The following UBAC2 variants were observed in gnomAD, a reference collection of about 807,000 sequenced individuals.
UBAC2 encodes UBA domain containing 2.
UBAC2 carries 26 observed loss-of-function variants against 44.0 expected under a neutral mutation model. The ratio of observed to expected loss-of-function variants is 0.59; its 90% CI spans 0.43 to 0.82. UBAC2 has a LOEUF of 0.82. Ranked by LOEUF, UBAC2 falls within the 40% of genes least tolerant of loss-of-function variation. The pLI, the probability that UBAC2 is intolerant of heterozygous loss-of-function variation, is 0.00. For missense variants in UBAC2, 329 were observed against 419.4 expected, an observed-to-expected ratio of 0.78 and a Z score of 1.88; for synonymous variants, 155 against 154.3, an observed-to-expected ratio of 1.00 and a Z score of -0.04.
chr13:99,306,623 A>G (rs2044340621), intron 4 of UBAC2, among the ~76,000 whole-genome samples: 1 of 152,134 alleles, frequency 6.6e-6, no homozygotes, highest in Non-Finnish European at 1.5e-5. Flanking sequence ...CACCATTCCC[A>G]ACCTGGACAT....
In UBAC2 at chr13:99,228,910, T is replaced by TA. The variant is rs2043142748; in HGVS notation, c.32-9516dup. ...AATAGTTGGGCTATTTTTATATGCT[T>TA]AGACAAGTACAATAACCACAGTGTC... On this transcript the variant is annotated intron_variant, in intron 1 of 8. Coordinates refer to ENST00000403766, the MANE Select transcript of UBAC2 (RefSeq NM_001144072.2). Among the ~76,000 whole-genome samples, 2 of 152,214 alleles carry TA rather than the reference T, an allele frequency of 1.3e-5. 1 individual carries two copies. The highest frequency in any genetic ancestry group is 2.9e-5 in the Non-Finnish European group (2 of 68,036).
intron 7 of UBAC2, among the ~76,000 whole-genome samples, chr13:99,362,606 T>C (rs1197090483): frequency 1.3e-5 from 2 of 152,260 alleles, no homozygotes; most frequent in Admixed American, 6.5e-5. Flanking sequence ...ACTAGTGAGA[T>C]TGAATATCTT....
chr13:99,318,101 T>C (rs771322863), intron 6 of UBAC2, 32 bp downstream of exon 6: 1 of 1,580,260 alleles, frequency 6.3e-7, no homozygotes, highest in Non-Finnish European at 8.7e-7. Flanking sequence ...CACCCAATTC[T>C]CTCTCTCTCC....
chr13:99,361,598 C>T (rs561071569), intron 7 of UBAC2, among the ~76,000 whole-genome samples: 3 of 152,116 alleles, frequency 2.0e-5, no homozygotes, highest in African/African-American at 7.2e-5. Context: ...ATCAGGGTTT[C>T]TCAACCTAAA....
At chr13:99,234,099 G>A (rs770049613) in intron 1 of UBAC2, among the ~76,000 whole-genome samples, 16 of 151,496 alleles carry the variant, frequency 1.1e-4, no homozygotes, top group South Asian at 4.2e-4. Flanking sequence ...TTATTTCAGC[G>A]GTTTTCCTAG....
chr13:99,299,720 T>G (rs558246742), intron 4 of UBAC2, among the ~76,000 whole-genome samples: 1 of 152,204 alleles, frequency 6.6e-6, no homozygotes, highest in Non-Finnish European at 1.5e-5. Flanking sequence ...TTTTCAGATT[T>G]CTGCATTGAC....
intron 7 of UBAC2, among the ~76,000 whole-genome samples, chr13:99,362,945 T>C (rs1399541591): frequency 2.6e-5 from 4 of 152,240 alleles, no homozygotes; most frequent in Non-Finnish European, 1.5e-5. Context: ...CGTATTTCTG[T>C]TTTAGATATC....
At position 99,248,874 on chromosome 13, in the gene UBAC2, CA is replaced by C. The variant is rs1238197253; in HGVS notation, c.389+4251del. 6.6e-5 allele frequency among the ~76,000 whole-genome samples: 10 copies of C among 152,306 alleles called. No homozygotes were observed. The South Asian group carries it at 1.2e-3, about 19-fold the overall frequency. On this transcript the variant is annotated intron_variant, in intron 4 of 8. Coordinates refer to ENST00000403766, the MANE Select transcript of UBAC2 (RefSeq NM_001144072.2). ...TATAGACTCAAAGAAAACTCATGTTCAGAAGCTCTCTTCTCTTCTGGCCTCC... is the reference window on the plus strand; with the variant it reads ...TATAGACTCAAAGAAAACTCATGTTCGAAGCTCTCTTCTCTTCTGGCCTCC...
At chr13:99,347,773 ACCT>A (rs2045014270) in intron 7 of UBAC2, among the ~76,000 whole-genome samples, 3 of 149,182 alleles carry the variant, frequency 2.0e-5, no homozygotes, top group Admixed American at 6.8e-5. Context: ...GTGTGCTTTG[ACCT>A]CCTACAGATC....
chr13:99,323,721 A>C lies in UBAC2; in HGVS notation c.561+5652A>C, dbSNP rs1257676325. ...TATGCTACCTTTCCCACTCCTGACC[A>C]CAGGGAGCCAGGACTAACTGGAAGA... is the stretch of plus-strand genomic sequence containing the variant. On this transcript the variant is annotated intron_variant, in intron 6 of 8. Coordinates refer to ENST00000403766, the MANE Select transcript of UBAC2 (RefSeq NM_001144072.2). Among the ~76,000 whole-genome samples, 10 of 152,032 alleles carry C rather than the reference A, an allele frequency of 6.6e-5. No individual in the cohort carries two copies. The East Asian group carries it at 1.9e-3, about 29-fold the overall frequency.
At chr13:99,242,741 C>T in intron 2 of UBAC2, among the ~76,000 whole-genome samples, 1 of 149,714 alleles carries the variant, frequency 6.7e-6, no homozygotes, top group East Asian at 2.0e-4. Context: ...CTGACCCCCA[C>T]CTCTCTCCCG....
At chr13:99,357,924 C>T (rs1206642221) in intron 7 of UBAC2, among the ~76,000 whole-genome samples, 5 of 152,190 alleles carry the variant, frequency 3.3e-5, no homozygotes, top group African/African-American at 1.2e-4. Flanking sequence ...TTCTTGAGTG[C>T]TTGCATATGC....
intron 6 of UBAC2, among the ~76,000 whole-genome samples, chr13:99,338,109 G>T (rs535705224): frequency 7.9e-6 from 1 of 127,256 alleles, no homozygotes; most frequent in African/African-American, 3.1e-5. Flanking sequence ...CCAGGCTGGA[G>T]TGCAGCGGCA....
At chr13:99,287,151 T>G (rs1043769775) in intron 4 of UBAC2, among the ~76,000 whole-genome samples, 4 of 152,202 alleles carry the variant, frequency 2.6e-5, no homozygotes, top group African/African-American at 9.7e-5. Context: ...AATGGGACAC[T>G]GGTTTCCATT....
intron 4 of UBAC2, among the ~76,000 whole-genome samples, chr13:99,304,784 G>A (rs1394589671): frequency 6.6e-6 from 1 of 152,154 alleles, no homozygotes. Flanking sequence ...TAAATGTTAG[G>A]ATTCAGACCC....
intron 1 of UBAC2, chr13:99,201,671 G>A (rs2042802310): frequency 7.9e-7 from 1 of 1,258,558 alleles, no homozygotes; most frequent in Non-Finnish European, 1.1e-6. Flanking sequence ...TTAGGCACGG[G>A]TACAGCAACG....
At chr13:99,331,431 C>T (rs141572912) in intron 6 of UBAC2, among the ~76,000 whole-genome samples, 66 of 152,338 alleles carry the variant, frequency 4.3e-4, no homozygotes, top group African/African-American at 1.3e-3. Flanking sequence ...ATGTGAGAAA[C>T]GAATAATCTG....
chr13:99,286,509 T>C (rs1674858848), intron 4 of UBAC2, among the ~76,000 whole-genome samples: 1 of 152,138 alleles, frequency 6.6e-6, no homozygotes, highest in Admixed American at 6.5e-5. Flanking sequence ...TTAATTTTTT[T>C]CCCACTTTTA....
At chr13:99,335,591 G>C (rs570205873) in intron 6 of UBAC2, among the ~76,000 whole-genome samples, 1 of 152,140 alleles carries the variant, frequency 6.6e-6, no homozygotes, top group African/African-American at 2.4e-5. Flanking sequence ...GAAGATGAGC[G>C]CAACATGTGA....
Sources: gnomAD v4.1 joint callset for allele counts (sites outside exome capture counted in the v4.1 genomes callset) on GRCh38, gnomAD v4.1.1 for gene constraint, MANE v1.5 for transcripts, NCBI Gene and HGNC (gene_info 2026-07-23, HGNC 2026-07-21) for gene names.